AK8: variants seen among roughly 807,000 people sequenced by gnomAD.
The protein encoded by AK8 is ATP-AMP transphosphorylase 8.
A neutral mutation model predicts 54.6 loss-of-function variants in AK8; 44 were observed. That is an observed-to-expected ratio of 0.81 (90% CI 0.63 to 1.04). The LOEUF (loss-of-function observed/expected upper bound fraction) is 1.04. Ranked by LOEUF, AK8 falls within the 50% of genes least tolerant of loss-of-function variation. AK8 has a pLI of 0.00. For missense variants in AK8, 555 were observed against 613.6 expected, an observed-to-expected ratio of 0.90 and a Z score of 1.01; for synonymous variants, 239 against 245.6, an observed-to-expected ratio of 0.97 and a Z score of 0.25.
intron 11 of AK8, among the ~76,000 whole-genome samples, chr9:132,768,547 G>C (rs574424244): frequency 6.6e-6 from 1 of 152,178 alleles, no homozygotes; most frequent in East Asian, 1.9e-4. Context: ...GATTACAGGC[G>C]TGAGCCACCG....
At chr9:132,752,399 G>T (rs553249832) in intron 11 of AK8, among the ~76,000 whole-genome samples, 1 of 151,558 alleles carries the variant, frequency 6.6e-6, no homozygotes, top group African/African-American at 2.4e-5. Flanking sequence ...ATAGGCGCCC[G>T]CCACCACGCC....
At chr9:132,745,435 G>C (rs1444927083) in intron 11 of AK8, among the ~76,000 whole-genome samples, 1 of 152,130 alleles carries the variant, frequency 6.6e-6, no homozygotes, top group Admixed American at 6.6e-5. Flanking sequence ...CCGTGTCGCG[G>C]CTGTAATGTG....
intron 11 of AK8, among the ~76,000 whole-genome samples, chr9:132,735,124 G>C (rs1837036136): frequency 6.6e-6 from 1 of 152,120 alleles, no homozygotes; most frequent in Admixed American, 6.5e-5. Flanking sequence ...TAGTCTACTG[G>C]GTCCCAGAGA....
At chr9:132,779,339 A>G (rs1319657024) in intron 11 of AK8, among the ~76,000 whole-genome samples, 1 of 152,124 alleles carries the variant, frequency 6.6e-6, no homozygotes, top group Admixed American at 6.5e-5. Flanking sequence ...TCATTTTCGG[A>G]GAGACAAGGT....
intron 3 of AK8, among the ~76,000 whole-genome samples, chr9:132,865,554 G>A (rs542175038): frequency 1.3e-5 from 2 of 152,280 alleles, no homozygotes; most frequent in South Asian, 4.1e-4. Flanking sequence ...GGGCACGGTG[G>A]CTCACGCCTG....
chr9:132,749,166 G>A (rs1020254331), intron 11 of AK8, among the ~76,000 whole-genome samples: 6 of 151,924 alleles, frequency 3.9e-5, no homozygotes, highest in South Asian at 2.1e-4. Context: ...GAGCCACTGC[G>A]CCCAGTAAAT....
At chr9:132,828,622 G>A in intron 6 of AK8, 23 bp downstream of exon 6, 1 of 1,602,666 alleles carries the variant, frequency 6.2e-7, no homozygotes, top group Non-Finnish European at 8.5e-7. Flanking sequence ...CTGGCAGGTG[G>A]GGGACCCTTG....
intron 5 of AK8, among the ~76,000 whole-genome samples, chr9:132,831,594 C>A (rs1393964683): frequency 2.0e-5 from 3 of 152,176 alleles, no homozygotes; most frequent in Non-Finnish European, 4.4e-5. Context: ...CTGGGAGCCC[C>A]CGCTTGCTGT....
chr9:132,749,207 C>T (rs567152944), intron 11 of AK8, among the ~76,000 whole-genome samples: 1 of 152,082 alleles, frequency 6.6e-6, no homozygotes, highest in South Asian at 2.1e-4. Context: ...ACTAAGCATG[C>T]TACATAACAT....
intron 3 of AK8, among the ~76,000 whole-genome samples, chr9:132,864,327 A>T (rs1367758613): frequency 2.0e-5 from 3 of 152,150 alleles, no homozygotes; most frequent in Non-Finnish European, 4.4e-5. Flanking sequence ...CAGCCTCGAG[A>T]TGGTTCTGAA....
At chr9:132,727,777 C>A (rs909800511) in intron 11 of AK8, among the ~76,000 whole-genome samples, 9 of 152,104 alleles carry the variant, frequency 5.9e-5, no homozygotes, top group Non-Finnish European at 1.2e-4. Context: ...ATTCTTCCTG[C>A]CCTAAATCAC....
chr9:132,746,880 C>A (rs1279574501), intron 11 of AK8, among the ~76,000 whole-genome samples: 3 of 152,078 alleles, frequency 2.0e-5, no homozygotes, highest in Admixed American at 2.0e-4. Context: ...TTAATTGGGG[C>A]CTAATTGAAA....
intron 5 of AK8, among the ~76,000 whole-genome samples, chr9:132,853,795 A>AAAAAAAAAAC (rs1843064076): frequency 6.6e-6 from 1 of 150,748 alleles, no homozygotes; most frequent in Non-Finnish European, 1.5e-5. Context: ...AAAAAAAAAA[A>AAAAAAAAAAC]AAAAAAAAAA....
At chr9:132,849,452 A>G (rs1441042591) in intron 5 of AK8, among the ~76,000 whole-genome samples, 1 of 152,148 alleles carries the variant, frequency 6.6e-6, no homozygotes, top group Non-Finnish European at 1.5e-5. Context: ...TATAGCCTGC[A>G]AAGCCTCAAC....
chr9:132,758,947 C>T (rs1024338236), intron 11 of AK8, among the ~76,000 whole-genome samples: 1 of 151,898 alleles, frequency 6.6e-6, no homozygotes, highest in Non-Finnish European at 1.5e-5. Context: ...CCTGTAATCC[C>T]AGGACTTTGG....
At chr9:132,876,616 G>A (rs558512776) in intron 1 of AK8, among the ~76,000 whole-genome samples, 1 of 152,312 alleles carries the variant, frequency 6.6e-6, no homozygotes, top group African/African-American at 2.4e-5. Flanking sequence ...TCCTGGTTTT[G>A]ACAATGTGCT....
intron 12 of AK8, among the ~76,000 whole-genome samples, chr9:132,726,216 C>CGAA (rs1564367555): frequency 6.6e-6 from 1 of 151,222 alleles, no homozygotes; most frequent in Non-Finnish European, 1.5e-5. Context: ...CCCTCCTTCC[C>CGAA]TCCTTCCTTC....
chr9:132,867,896 G>A (rs573314335), intron 2 of AK8, among the ~76,000 whole-genome samples: 2 of 152,346 alleles, frequency 1.3e-5, no homozygotes, highest in South Asian at 2.1e-4. Context: ...GGCTGCTGGC[G>A]ATGGGAAAAG....
intron 2 of AK8, among the ~76,000 whole-genome samples, chr9:132,873,722 G>A (rs899669711): frequency 4.9e-5 from 7 of 142,036 alleles, no homozygotes; most frequent in East Asian, 2.5e-4. Context: ...GCACCCACTC[G>A]GCCTCAGGGT....
Sources: allele counts gnomAD v4.1 joint callset (sites outside exome capture counted in the v4.1 genomes callset), GRCh38; gene constraint gnomAD v4.1.1; transcripts MANE v1.5; gene names NCBI Gene and HGNC (gene_info 2026-07-23, HGNC 2026-07-21).